The following CMC1 variants were observed in gnomAD, a reference collection of about 807,000 sequenced individuals.
CMC1 encodes COX assembly mitochondrial protein homolog.
A neutral mutation model predicts 14.1 loss-of-function variants in CMC1; 14 were observed. The observed-to-expected ratio is 0.99, with a 90% CI of 0.66 to 1.55. The LOEUF is 1.55. CMC1 is among the 40% of genes most tolerant of loss of function. CMC1 has a pLI of 0.00. For synonymous variants in CMC1, 50 were observed against 38.4 expected (o/e 1.30, Z -1.12); for missense variants, 127 against 123.8 (o/e 1.03, Z -0.12).
At chr3:28,275,826 C>T (rs1175729608) in intron 2 of CMC1, among the ~76,000 whole-genome samples, 2 of 152,190 alleles carry the variant, frequency 1.3e-5, no homozygotes, top group African/African-American at 4.8e-5. Context: ...TGCTGAAATT[C>T]CCACTGGGAG....
Position 28,324,596 on chromosome 3 carries a change from T to G in CMC1, c.*4967T>G. ...AGTGTGATCATTGAGGCACTGTGAC[T>G]AGGAGATAAATGACAGATGATCTGA... On this transcript the variant is annotated 3_prime_UTR_variant, in exon 4 of 4. Transcript: ENST00000466830. 1.5e-6 allele frequency: 1 copy of G among 659,710 alleles called. No homozygotes were observed. The highest frequency in any genetic ancestry group is 2.2e-6 in the Non-Finnish European group (1 of 446,582). The allele number at this position is 659,710 out of a possible 1,614,324, so 40.9% of individuals were successfully genotyped here.
chr3:28,264,480 C>A (rs1005648284), intron 2 of CMC1, among the ~76,000 whole-genome samples: 1 of 152,116 alleles, frequency 6.6e-6, no homozygotes, highest in African/African-American at 2.4e-5. Context: ...CTTATTATGA[C>A]CTATTCCATT....
intron 2 of CMC1, among the ~76,000 whole-genome samples, chr3:28,265,261 G>A (rs1367330712): frequency 1.3e-5 from 2 of 151,702 alleles, no homozygotes; most frequent in East Asian, 1.9e-4. Flanking sequence ...GATTTTTTAG[G>A]CCATGTGATT....
At chr3:28,293,307 C>CCTTTT (rs1559430454) in intron 2 of CMC1, among the ~76,000 whole-genome samples, 2 of 139,958 alleles carry the variant, frequency 1.4e-5, no homozygotes, top group Non-Finnish European at 3.1e-5. Flanking sequence ...AATAGAGGGA[C>CCTTTT]TTTTTTTTTT....
intron 2 of CMC1, among the ~76,000 whole-genome samples, chr3:28,273,465 CTGTT>C (rs1472621709): frequency 2.6e-5 from 4 of 152,112 alleles, no homozygotes; most frequent in Admixed American, 6.6e-5. Flanking sequence ...GTCTGAGAGA[CTGTT>C]TGTTATGATT....
rs1703262656 is a variant in CMC1, at chr3:28,323,600, C to T, written c.*3971C>T. On this transcript the variant is annotated 3_prime_UTR_variant, in exon 4 of 4. Coordinates refer to ENST00000466830, the MANE Select transcript of CMC1 (RefSeq NM_182523.2). ...TCAATATCTTTACGCATTATAACAACAGAAATGTAACCTACTCACATTGCC... is the reference window on the plus strand; with the variant it reads ...TCAATATCTTTACGCATTATAACAATAGAAATGTAACCTACTCACATTGCC... 1 of 152,644 alleles carries T rather than the reference C, an allele frequency of 6.6e-6. No individual in the cohort carries two copies. The highest frequency in any genetic ancestry group is 2.4e-5 in the African/African-American group (1 of 41,322). The allele number at this position is 152,644 out of a possible 1,614,324, so 9.5% of individuals were successfully genotyped here.
intron 2 of CMC1, among the ~76,000 whole-genome samples, chr3:28,281,055 C>T (rs1007775741): frequency 2.0e-5 from 3 of 152,242 alleles, no homozygotes; most frequent in South Asian, 2.1e-4. Context: ...GGCTCTTTAC[C>T]GAAAACATTT....
chr3:28,276,399 G>A (rs779864481), intron 2 of CMC1, among the ~76,000 whole-genome samples: 5 of 152,024 alleles, frequency 3.3e-5, no homozygotes, highest in African/African-American at 7.2e-5. Flanking sequence ...GAAGAATTAC[G>A]TATCTTGAAA....
intron 2 of CMC1, among the ~76,000 whole-genome samples, chr3:28,308,720 T>C (rs113695888): frequency 0.027 from 4,052 of 152,210 alleles, 80 homozygotes; most frequent in African/African-American, 0.059. Context: ...CATGGTGGCT[T>C]ACGCCTGTAA....
At chr3:28,245,029 T>A (rs1196244711) in intron 1 of CMC1, among the ~76,000 whole-genome samples, 1 of 152,050 alleles carries the variant, frequency 6.6e-6, no homozygotes, top group Non-Finnish European at 1.5e-5. Context: ...GTTTTACTGC[T>A]TTGTACAGCC....
Position 28,319,639 on chromosome 3 carries a change from C to A in CMC1, c.*10C>A, listed in dbSNP as rs369504676. ...TCCAACAAGCATGTAGGCAGATACT[C>A]AAATGACATTCAGGAACTCTAATAT... On this transcript the variant is annotated 3_prime_UTR_variant, in exon 4 of 4. Coordinates refer to ENST00000466830, the MANE Select transcript of CMC1 (RefSeq NM_182523.2). The A allele has an allele frequency of 3.1e-6, 5 of 1,589,518 alleles. No individual in the cohort carries two copies. The East Asian group carries it at 9.0e-5, about 29-fold the overall frequency.
At chr3:28,247,570 A>G (rs538281093) in intron 1 of CMC1, among the ~76,000 whole-genome samples, 1 of 152,350 alleles carries the variant, frequency 6.6e-6, no homozygotes, top group Non-Finnish European at 1.5e-5. Context: ...GGCAGTCCTG[A>G]GAAGGTTGCA....
At chr3:28,277,069 T>G (rs967627491) in intron 2 of CMC1, among the ~76,000 whole-genome samples, 1 of 152,196 alleles carries the variant, frequency 6.6e-6, no homozygotes, top group African/African-American at 2.4e-5. Context: ...ACTTCCTTTT[T>G]GTGGTTTTCT....
In CMC1 at chr3:28,323,188, T is replaced by C. The variant is rs1354526144; in HGVS notation, c.*3559T>C. 6.6e-6 allele frequency: 1 copy of C among 151,060 alleles called. No homozygotes were observed. The highest frequency in any genetic ancestry group is 1.5e-5 in the Non-Finnish European group (1 of 67,322). 9.4% of individuals were successfully genotyped at this position (151,060 alleles called of 1,614,324 possible). ...ACACAATGTGCAGCTAGCTGTAGTC[T>C]CTTTGAAGAAAATGACTTTTTATCA... On this transcript the variant is annotated 3_prime_UTR_variant, in exon 4 of 4. Coordinates refer to ENST00000466830, the MANE Select transcript of CMC1 (RefSeq NM_182523.2).
At position 28,241,684 on chromosome 3, in the gene CMC1, G is replaced by C. The variant is rs1411206768; in HGVS notation, c.-110G>C. 5.7e-6 allele frequency: 7 copies of C among 1,235,920 alleles called. No individual in the cohort carries two copies. The highest frequency in any genetic ancestry group is 7.1e-6 in the Non-Finnish European group (7 of 987,922). 76.6% of individuals were successfully genotyped at this position (1,235,920 alleles called of 1,614,324 possible). A position where few individuals can be genotyped will look rare whatever the true frequency, so the allele number is the denominator to read the frequency against. On this transcript the variant is annotated 5_prime_UTR_variant, in exon 1 of 4. Transcript: ENST00000466830. ...GCAAAGGGCCCGTGTTTCTGTTGCG[G>C]GAAGCTCCCGGGGGTCGCACGTGCG...
chr3:28,283,607 G>C (rs1175442171), intron 2 of CMC1, among the ~76,000 whole-genome samples: 2 of 150,028 alleles, frequency 1.3e-5, no homozygotes, highest in Admixed American at 1.3e-4. Context: ...GTAATATATT[G>C]TCTTGCTTTT....
chr3:28,294,737 C>T (rs566325958), intron 2 of CMC1, among the ~76,000 whole-genome samples: 14 of 151,864 alleles, frequency 9.2e-5, no homozygotes, highest in Admixed American at 4.6e-4. Context: ...TTTCCATTTT[C>T]GCTTTAGGAA....
intron 2 of CMC1, among the ~76,000 whole-genome samples, chr3:28,287,641 C>T (rs575170327): frequency 2.0e-4 from 31 of 152,008 alleles, no homozygotes; most frequent in African/African-American, 7.5e-4. Flanking sequence ...AATATATGCT[C>T]TTTTATTCCC....
In CMC1 at chr3:28,241,765, A is replaced by T; in HGVS notation, c.-29A>T. ...CTTCCTGCGTGCCCCGGAGCCGCCAAGCGGCTACGTTCTTCTCGGCCCGCC... is the reference window on the plus strand; with the variant it reads ...CTTCCTGCGTGCCCCGGAGCCGCCATGCGGCTACGTTCTTCTCGGCCCGCC... On this transcript the variant is annotated 5_prime_UTR_variant, in exon 1 of 4. The change creates a new upstream start codon in the 5' untranslated region. Coordinates refer to ENST00000466830, the MANE Select transcript of CMC1 (RefSeq NM_182523.2). 1 of 1,241,596 alleles carries T rather than the reference A, an allele frequency of 8.1e-7. No individual in the cohort carries two copies. Among genetic ancestry groups the T allele is most frequent in the Non-Finnish European group, 1.0e-6 (1 of 988,056 alleles). The allele number at this position is 1,241,596 out of a possible 1,614,324, so 76.9% of individuals were successfully genotyped here.
Sources: gnomAD v4.1 joint callset for allele counts (sites outside exome capture counted in the v4.1 genomes callset) on GRCh38, gnomAD v4.1.1 for gene constraint, MANE v1.5 for transcripts, NCBI Gene and HGNC (gene_info 2026-07-23, HGNC 2026-07-21) for gene names.